PHF21A: variants seen among roughly 807,000 people sequenced by gnomAD.
The protein encoded by PHF21A is BHC80a.
Under a neutral mutation model 82.5 loss-of-function variants are expected in PHF21A, and 11 were observed. The ratio of observed to expected loss-of-function variants is 0.13; its 90% confidence interval spans 0.08 to 0.22. PHF21A has a LOEUF of 0.22. PHF21A is among the 10% of genes least tolerant of loss of function. The pLI, the probability that PHF21A is intolerant of heterozygous loss-of-function variation, is 1.00. For missense variants in PHF21A, 579 were observed against 837.8 expected, an observed-to-expected ratio of 0.69 and a Z score of 3.81; for synonymous variants, 297 against 302.8, an observed-to-expected ratio of 0.98 and a Z score of 0.20.
intron 6 of PHF21A, among the ~76,000 whole-genome samples, chr11:46,048,237 T>C (rs2096285884): frequency 6.6e-6 from 1 of 152,348 alleles, no homozygotes; most frequent in Non-Finnish European, 1.5e-5. Context: ...AAACATTTTT[T>C]ATAAACAGAA....
intron 6 of PHF21A, among the ~76,000 whole-genome samples, chr11:45,986,969 G>A (rs2094510305): frequency 6.6e-6 from 1 of 151,884 alleles, no homozygotes; most frequent in South Asian, 2.1e-4. Flanking sequence ...TTTAATCTCA[G>A]AAATCAAATA....
chr11:46,009,734 A>C (rs1025464078), intron 6 of PHF21A, among the ~76,000 whole-genome samples: 2 of 152,186 alleles, frequency 1.3e-5, no homozygotes, highest in African/African-American at 4.8e-5. Context: ...GAGCCCATCC[A>C]CTTAGTCACT....
At chr11:46,003,139 T>C (rs1428688074) in intron 6 of PHF21A, among the ~76,000 whole-genome samples, 1 of 152,154 alleles carries the variant, frequency 6.6e-6, no homozygotes, top group African/African-American at 2.4e-5. Flanking sequence ...AGTAGAATAA[T>C]TTCCTCAATA....
intron 6 of PHF21A, among the ~76,000 whole-genome samples, chr11:46,050,792 G>A (rs1451314476): frequency 6.6e-6 from 1 of 152,182 alleles, no homozygotes; most frequent in African/African-American, 2.4e-5. Context: ...GTGGCTCTTG[G>A]CATTGTTCGA....
intron 6 of PHF21A, among the ~76,000 whole-genome samples, chr11:46,062,180 TG>T: frequency 6.6e-6 from 1 of 152,134 alleles, no homozygotes; most frequent in South Asian, 2.1e-4. Flanking sequence ...TATGAGGGTG[TG>T]GGGTTTTTTT....
intron 10 of PHF21A, among the ~76,000 whole-genome samples, chr11:45,955,324 G>A (rs1382064694): frequency 6.6e-6 from 1 of 151,676 alleles, no homozygotes; most frequent in Non-Finnish European, 1.5e-5. Context: ...TAATCAAAAA[G>A]GACACATTTC....
chr11:45,956,281 T>A lies in PHF21A; in HGVS notation c.997-2656A>T, dbSNP rs573831750. On this transcript the variant is annotated intron_variant, in intron 10 of 18. Coordinates refer to ENST00000676320, the MANE Select transcript of PHF21A (RefSeq NM_001352027.3). ...GATGAATAAATATAAAAGCCAGTGTTATTATTTATTTTTAACTTCTCTTTT... is the reference window on the plus strand; with the variant it reads ...GATGAATAAATATAAAAGCCAGTGTAATTATTTATTTTTAACTTCTCTTTT... 1.6e-4 allele frequency among the ~76,000 whole-genome samples: 24 copies of A among 152,326 alleles called. 1 individual carries two copies. In the South Asian group the frequency reaches 5.0e-3, roughly 32 times the overall value.
intron 6 of PHF21A, among the ~76,000 whole-genome samples, chr11:46,072,739 G>A (rs2096669521): frequency 6.6e-6 from 1 of 152,154 alleles, no homozygotes; most frequent in Non-Finnish European, 1.5e-5. Flanking sequence ...TTTAAGCTAT[G>A]ACATGAAACC....
At chr11:46,079,111 A>G (rs748453075) in intron 5 of PHF21A, 23 bp downstream of exon 5, 1 of 1,419,808 alleles carries the variant, frequency 7.0e-7, no homozygotes, top group Admixed American at 1.9e-5. Context: ...TAACAATTAA[A>G]TGAATAACAA....
At chr11:46,041,989 T>A (rs1348526024) in intron 6 of PHF21A, among the ~76,000 whole-genome samples, 1 of 152,164 alleles carries the variant, frequency 6.6e-6, no homozygotes, top group African/African-American at 2.4e-5. Flanking sequence ...TTTAAAATCC[T>A]GTATGTCTGT....
chr11:46,022,051 G>A (rs899486951), intron 6 of PHF21A, among the ~76,000 whole-genome samples: 1 of 152,238 alleles, frequency 6.6e-6, no homozygotes, highest in African/African-American at 2.4e-5. Context: ...CACAAATGCT[G>A]TAAGGAGAGG....
intron 1 of PHF21A, among the ~76,000 whole-genome samples, chr11:46,102,677 T>C (rs973680819): frequency 6.6e-6 from 1 of 152,236 alleles, no homozygotes; most frequent in Non-Finnish European, 1.5e-5. Flanking sequence ...CAGCAATTTC[T>C]GAGGTAAAAA....
chr11:46,060,450 ATTATG>A (rs1203629030), intron 6 of PHF21A, among the ~76,000 whole-genome samples: 5 of 152,180 alleles, frequency 3.3e-5, no homozygotes, highest in East Asian at 1.9e-4. Flanking sequence ...CTCATATAAA[ATTATG>A]TTATATTATA....
At chr11:46,079,432 C>T (rs542508323) in intron 4 of PHF21A, among the ~76,000 whole-genome samples, 21 of 151,622 alleles carry the variant, frequency 1.4e-4, no homozygotes, top group African/African-American at 3.6e-4. Flanking sequence ...CAGTGGCTTC[C>T]GAAAGGAATT....
chr11:45,980,258 T>C (rs1435319994), intron 6 of PHF21A, among the ~76,000 whole-genome samples: 1 of 152,186 alleles, frequency 6.6e-6, no homozygotes, highest in African/African-American at 2.4e-5. Context: ...TAACTTAGCA[T>C]GCTGAGAGCA....
At chr11:45,997,860 C>T (rs985239664) in intron 6 of PHF21A, among the ~76,000 whole-genome samples, 8 of 152,188 alleles carry the variant, frequency 5.3e-5, no homozygotes, top group African/African-American at 1.9e-4. Flanking sequence ...GTCCTCTTAT[C>T]AGAACCTAAA....
chr11:45,962,589 C>T (rs1029269716), intron 10 of PHF21A, among the ~76,000 whole-genome samples: 2 of 151,856 alleles, frequency 1.3e-5, no homozygotes, highest in South Asian at 4.2e-4. Flanking sequence ...CTTTATTAGA[C>T]CAAAAAGAAG....
intron 15 of PHF21A, among the ~76,000 whole-genome samples, chr11:45,943,579 G>A (rs967883676): frequency 1.1e-4 from 16 of 152,020 alleles, no homozygotes; most frequent in Non-Finnish European, 1.6e-4. Flanking sequence ...GCATATTTTA[G>A]ACACAGTGAT....
intron 6 of PHF21A, among the ~76,000 whole-genome samples, chr11:46,002,214 A>G (rs1001352398): frequency 6.6e-6 from 1 of 152,192 alleles, no homozygotes; most frequent in Non-Finnish European, 1.5e-5. Context: ...AGTGATTTAC[A>G]TCATTATAAT....
Sources: allele counts gnomAD v4.1 joint callset (sites outside exome capture counted in the v4.1 genomes callset), GRCh38; gene constraint gnomAD v4.1.1; transcripts MANE v1.5; gene names NCBI Gene and HGNC (gene_info 2026-07-23, HGNC 2026-07-21).